The following MOB3B variants were observed in gnomAD, a reference collection of about 807,000 sequenced individuals.
MOB3B encodes the protein MOB kinase activator 3B, also known as MOB kinase activator-like 2B.
In MOB3B, 7 loss-of-function variants were observed where a neutral mutation model predicts 18.7. That is an observed-to-expected ratio of 0.37 (90% confidence interval 0.21 to 0.70). The LOEUF (loss-of-function observed/expected upper bound fraction) is 0.70. MOB3B is among the 30% of genes least tolerant of loss of function. The pLI is 0.52. For missense variants in MOB3B, 253 were observed against 281.3 expected (o/e 0.90, Z 0.72); for synonymous variants, 111 against 99.9 (o/e 1.11, Z -0.66).
In MOB3B at chr9:27,399,990, G is replaced by A. The variant is rs139159803; in HGVS notation, c.419-40754C>T. On this transcript the variant is annotated intron_variant, in intron 2 of 3. Coordinates refer to ENST00000262244, the MANE Select transcript of MOB3B (RefSeq NM_024761.5). ...AATCTCAAGCCCAACTGCTCCTTTC[G>A]ATCCCACAGCCCCTGCCTTAAATCA... Among the ~76,000 whole-genome samples, 379 of 151,982 alleles carry A rather than the reference G, an allele frequency of 2.5e-3. 3 individuals carry two copies. The highest frequency in any genetic ancestry group is 8.6e-3 in the African/African-American group (357 of 41,438).
In MOB3B at chr9:27,414,045, A is replaced by G. The variant is rs115602211; in HGVS notation, c.418+41088T>C. Among the ~76,000 whole-genome samples, 937 of 152,332 alleles carry G rather than the reference A, an allele frequency of 6.2e-3. 7 individuals carry two copies. The highest frequency in any genetic ancestry group is 0.022 in the African/African-American group (913 of 41,576). On this transcript the variant is annotated intron_variant, in intron 2 of 3. Transcript: ENST00000262244. ...TTCATTTAGCTTAGGAGCAACAAAT[A>G]TCTTGGAACATCTCCATATCATGCC...
chr9:27,362,417 G>T (rs190053243), intron 2 of MOB3B, among the ~76,000 whole-genome samples: 3 of 152,178 alleles, frequency 2.0e-5, no homozygotes, highest in Non-Finnish European at 2.9e-5. Flanking sequence ...GTTTTTATTA[G>T]TATCTGTACT....
chr9:27,376,673 G>C (rs1298512945), intron 2 of MOB3B, among the ~76,000 whole-genome samples: 1 of 152,198 alleles, frequency 6.6e-6, no homozygotes, highest in Admixed American at 6.5e-5. Context: ...GTACAGCCCT[G>C]GTTGAGAAAT....
chr9:27,406,852 T>C (rs985561935), intron 2 of MOB3B, among the ~76,000 whole-genome samples: 3 of 152,166 alleles, frequency 2.0e-5, no homozygotes, highest in Non-Finnish European at 4.4e-5. Context: ...TTTCTTTTTT[T>C]TTTTTAGATG....
chr9:27,337,335 T>C (rs769418488), intron 3 of MOB3B, among the ~76,000 whole-genome samples: 3 of 152,236 alleles, frequency 2.0e-5, no homozygotes, highest in Non-Finnish European at 4.4e-5. Context: ...GTTTCTTCTG[T>C]GATGGCTGTG....
rs536800173 is a variant in MOB3B at position 27,338,768 on chromosome 9, T to C, written c.622-8152A>G. Among the ~76,000 whole-genome samples the C allele has an allele frequency of 7.5e-4, 114 of 152,274 alleles. 1 individual carries two copies. The highest frequency in any genetic ancestry group is 2.4e-3 in the African/African-American group (101 of 41,548). ...CTGGCTCCCCACTTCCTGTGGTGTT[T>C]CTCTTTTAGCTTTCTAGAATCCAAA... On this transcript the variant is annotated intron_variant, in intron 3 of 3. Transcript: ENST00000262244.
chr9:27,466,665 A>G (rs879793693), intron 1 of MOB3B, among the ~76,000 whole-genome samples: 1 of 152,212 alleles, frequency 6.6e-6, no homozygotes, highest in African/African-American at 2.4e-5. Context: ...AGTGGGAGGC[A>G]GAAGGCACTT....
intron 2 of MOB3B, among the ~76,000 whole-genome samples, chr9:27,452,164 T>C (rs1452594109): frequency 6.6e-6 from 1 of 152,158 alleles, no homozygotes; most frequent in African/African-American, 2.4e-5. Flanking sequence ...GCTGGGCCTT[T>C]ATAAAGATTA....
At chr9:27,410,897 T>G (rs549021400) in intron 2 of MOB3B, among the ~76,000 whole-genome samples, 7 of 152,234 alleles carry the variant, frequency 4.6e-5, no homozygotes, top group Non-Finnish European at 1.0e-4. Context: ...CCTTTATTTT[T>G]TAACTTTACA....
rs926738874 is a variant in MOB3B at position 27,493,407 on chromosome 9, G to A, written c.-199+36148C>T. On this transcript the variant is annotated intron_variant, in intron 1 of 3. Transcript: ENST00000262244. Reference sequence around the variant, plus strand: ...TGTAATCCCAGCACTTTGGGAGGCCGAGACGGGAGGATCACGAGGTCAGAA... The same window carrying A: ...TGTAATCCCAGCACTTTGGGAGGCCAAGACGGGAGGATCACGAGGTCAGAA... Among the ~76,000 whole-genome samples, 43 of 152,216 alleles carry A rather than the reference G, an allele frequency of 2.8e-4. No individual in the cohort carries two copies. The East Asian group carries it at 2.9e-3, about 10-fold the overall frequency.
At chr9:27,389,321 T>C (rs1021355322) in intron 2 of MOB3B, among the ~76,000 whole-genome samples, 5 of 149,494 alleles carry the variant, frequency 3.3e-5, no homozygotes, top group African/African-American at 1.2e-4. Flanking sequence ...CACTGCTTTA[T>C]GTGCTCTGCC....
chr9:27,380,490 G>A (rs1765524139), intron 2 of MOB3B, among the ~76,000 whole-genome samples: 2 of 152,052 alleles, frequency 1.3e-5, no homozygotes, highest in South Asian at 2.1e-4. Context: ...ACCCGCCTCG[G>A]CCTCCCAAAG....
intron 1 of MOB3B, among the ~76,000 whole-genome samples, chr9:27,501,230 A>G (rs935983802): frequency 1.3e-5 from 2 of 152,216 alleles, no homozygotes; most frequent in Non-Finnish European, 2.9e-5. Context: ...ATACCATTTT[A>G]CCCAGCGATC....
chr9:27,448,666 C>T (rs1822733692), intron 2 of MOB3B, among the ~76,000 whole-genome samples: 1 of 152,090 alleles, frequency 6.6e-6, no homozygotes, highest in African/African-American at 2.4e-5. Flanking sequence ...TGGGACACAG[C>T]CAAAACATGT....
At chr9:27,358,722 C>G in intron 3 of MOB3B, 1 of 506,462 alleles carries the variant, frequency 2.0e-6, no homozygotes, top group Non-Finnish European at 3.8e-6. Context: ...CAAAGATGCC[C>G]ATTTAAGGAA....
intron 1 of MOB3B, among the ~76,000 whole-genome samples, chr9:27,523,277 C>T (rs1186950139): frequency 6.6e-6 from 1 of 151,990 alleles, no homozygotes; most frequent in Non-Finnish European, 1.5e-5. Flanking sequence ...GCCATCATTA[C>T]CACAGTAACA....
intron 3 of MOB3B, among the ~76,000 whole-genome samples, chr9:27,331,851 T>G (rs1485628996): frequency 6.6e-6 from 1 of 151,886 alleles, no homozygotes; most frequent in Non-Finnish European, 1.5e-5. Flanking sequence ...AGTGTGGGAG[T>G]GCCAAGGTGT....
In MOB3B at chr9:27,519,338, C is replaced by T. The variant is rs981251246; in HGVS notation, c.-199+10217G>A. On this transcript the variant is annotated intron_variant, in intron 1 of 3. Transcript: ENST00000262244. ...TCCTGGACCTCATATCCATAAAGGG[C>T]TGATAATATAGATTTTTAATATCAT... Among the ~76,000 whole-genome samples the T allele has an allele frequency of 3.9e-4, 60 of 152,274 alleles. 1 individual carries two copies. Among genetic ancestry groups the T allele is most frequent in the African/African-American group, 1.4e-3 (60 of 41,544 alleles).
At chr9:27,520,631 A>C (rs1820309855) in intron 1 of MOB3B, among the ~76,000 whole-genome samples, 1 of 152,182 alleles carries the variant, frequency 6.6e-6, no homozygotes, top group African/African-American at 2.4e-5. Context: ...TGTGTGTGTC[A>C]GTATTATTTT....
Sources: gnomAD v4.1 joint callset for allele counts (sites outside exome capture counted in the v4.1 genomes callset) on GRCh38, gnomAD v4.1.1 for gene constraint, MANE v1.5 for transcripts, NCBI Gene and HGNC (gene_info 2026-07-23, HGNC 2026-07-21) for gene names.